Variants in TBC1D5 observed in about 807,000 individuals in gnomAD.
TBC1D5 encodes the protein TBC1 domain family, member 5.
TBC1D5 carries 75 observed loss-of-function variants against 100.3 expected under a neutral mutation model. The observed-to-expected ratio is 0.75, with a 90% CI of 0.62 to 0.91. TBC1D5 has a LOEUF of 0.91. Ranked by LOEUF, TBC1D5 falls within the 40% of genes least tolerant of loss-of-function variation. TBC1D5 has a pLI of 0.00. For missense variants in TBC1D5, 910 were observed against 942.4 expected, an observed-to-expected ratio of 0.97 and a Z score of 0.45; for synonymous variants, 323 against 325.6, an observed-to-expected ratio of 0.99 and a Z score of 0.09.
chr3:17,721,978 T>C (rs1287608595), intron 1 of TBC1D5, among the ~76,000 whole-genome samples: 1 of 152,086 alleles, frequency 6.6e-6, no homozygotes, highest in Non-Finnish European at 1.5e-5. Flanking sequence ...CAAGACACTG[T>C]CTCAAAAAAT....
chr3:17,452,745 G>C (rs1385258687), intron 3 of TBC1D5, among the ~76,000 whole-genome samples: 1 of 151,850 alleles, frequency 6.6e-6, no homozygotes, highest in African/African-American at 2.4e-5. Flanking sequence ...TTTCAGCAAT[G>C]GAAATATCTC....
At chr3:17,440,664 CAG>C (rs1168819947) in intron 3 of TBC1D5, among the ~76,000 whole-genome samples, 1 of 151,964 alleles carries the variant, frequency 6.6e-6, no homozygotes, top group Non-Finnish European at 1.5e-5. Flanking sequence ...TTTTTTGAGG[CAG>C]AGTCTCACTC....
At chr3:17,174,368 C>T (rs908171748) in intron 19 of TBC1D5, among the ~76,000 whole-genome samples, 31 of 152,268 alleles carry the variant, frequency 2.0e-4, no homozygotes, top group African/African-American at 7.5e-4. Context: ...TTTGAAACCC[C>T]ACTGCTCCTT....
intron 1 of TBC1D5, among the ~76,000 whole-genome samples, chr3:17,703,906 T>G (rs555285785): frequency 1.3e-5 from 2 of 149,848 alleles, no homozygotes; most frequent in African/African-American, 4.9e-5. Flanking sequence ...TATTTGTGTT[T>G]TTTTTTTGTT....
At chr3:17,485,439 T>A (rs1298079197) in intron 3 of TBC1D5, among the ~76,000 whole-genome samples, 1 of 151,386 alleles carries the variant, frequency 6.6e-6, no homozygotes, top group Non-Finnish European at 1.5e-5. Flanking sequence ...ACCCATTAAC[T>A]CGTCATTTAG....
intron 1 of TBC1D5, among the ~76,000 whole-genome samples, chr3:17,657,389 G>A (rs2066191429): frequency 6.8e-6 from 1 of 146,460 alleles, no homozygotes; most frequent in African/African-American, 2.5e-5. Flanking sequence ...AGGCTGGAGT[G>A]CAGTGGCGCA....
chr3:17,620,400 A>C (rs902470207), intron 2 of TBC1D5, among the ~76,000 whole-genome samples: 4 of 152,246 alleles, frequency 2.6e-5, no homozygotes, highest in African/African-American at 4.8e-5. Context: ...AGTGGAAACT[A>C]CTTAAATGCG....
At chr3:17,611,236 A>C (rs1017562673) in intron 2 of TBC1D5, among the ~76,000 whole-genome samples, 6 of 152,200 alleles carry the variant, frequency 3.9e-5, no homozygotes, top group Non-Finnish European at 7.3e-5. Flanking sequence ...TTGACATCTC[A>C]AAGTGAAAAT....
At chr3:17,704,693 G>A (rs1277948133) in intron 1 of TBC1D5, among the ~76,000 whole-genome samples, 1 of 58,448 alleles carries the variant, frequency 1.7e-5, no homozygotes, top group Non-Finnish European at 3.5e-5. Context: ...CTGGCCGGGC[G>A]GGGGGCCGAC....
chr3:17,383,391 T>C (rs2093027410), intron 9 of TBC1D5, among the ~76,000 whole-genome samples: 1 of 151,762 alleles, frequency 6.6e-6, no homozygotes, highest in South Asian at 2.1e-4. Flanking sequence ...TTCAATAAAA[T>C]AAAACAACCC....
chr3:17,308,794 T>C (rs1283476321), intron 13 of TBC1D5, among the ~76,000 whole-genome samples: 1 of 152,136 alleles, frequency 6.6e-6, no homozygotes, highest in Non-Finnish European at 1.5e-5. Context: ...ACTTCTATTA[T>C]CTAGAAAATG....
At chr3:17,504,032 T>G (rs2095814989) in intron 3 of TBC1D5, among the ~76,000 whole-genome samples, 1 of 149,138 alleles carries the variant, frequency 6.7e-6, no homozygotes, top group African/African-American at 2.6e-5. Context: ...GGAGAGTATA[T>G]TAACTTTTGA....
intron 2 of TBC1D5, among the ~76,000 whole-genome samples, chr3:17,576,857 A>G (rs1333831632): frequency 6.6e-6 from 1 of 152,048 alleles, no homozygotes. Context: ...CAAGGGGAAC[A>G]CTTAAAAAGA....
chr3:17,486,620 A>T lies in TBC1D5; in HGVS notation c.97+21854T>A, dbSNP rs1463539329. On this transcript the variant is annotated intron_variant, in intron 3 of 21. Coordinates refer to ENST00000253692, the Ensembl canonical transcript of TBC1D5. ...AAGCTGGCAAAAACTTTAAGAATCA[A>T]CTTTTGCAGATCTCTGAAATCTAGT... is the stretch of plus-strand genomic sequence containing the variant. 2.6e-5 allele frequency among the ~76,000 whole-genome samples: 4 copies of T among 152,322 alleles called. No homozygotes were observed. In the South Asian group the frequency reaches 6.2e-4, roughly 24 times the overall value.
At chr3:17,471,620 G>A (rs1476572896) in intron 3 of TBC1D5, among the ~76,000 whole-genome samples, 17 of 116,776 alleles carry the variant, frequency 1.5e-4, no homozygotes, top group Non-Finnish European at 1.1e-4. Context: ...GCAGTGAGCC[G>A]AGATTGCGCC....
chr3:17,431,008 T>A (rs969448179), intron 3 of TBC1D5, among the ~76,000 whole-genome samples: 5 of 151,908 alleles, frequency 3.3e-5, no homozygotes, highest in African/African-American at 1.2e-4. Context: ...TTCCGCCAGT[T>A]TGGGAAATAA....
chr3:17,709,545 T>G (rs76006107), intron 1 of TBC1D5, among the ~76,000 whole-genome samples: 1 of 152,134 alleles, frequency 6.6e-6, no homozygotes, highest in Non-Finnish European at 1.5e-5. Context: ...AAACTCTCAC[T>G]TGGATAAGCA....
intron 17 of TBC1D5, among the ~76,000 whole-genome samples, chr3:17,223,747 G>C (rs2074535623): frequency 2.0e-5 from 3 of 151,984 alleles, no homozygotes; most frequent in African/African-American, 7.3e-5. Flanking sequence ...TGTAGTCCCA[G>C]CTACTCGAGC....
At chr3:17,579,530 G>GT (rs2096679530) in intron 2 of TBC1D5, among the ~76,000 whole-genome samples, 1 of 152,028 alleles carries the variant, frequency 6.6e-6, no homozygotes. Context: ...GTAAAAATGA[G>GT]TAAGAGGAAG....
Sources: allele counts gnomAD v4.1 joint callset (sites outside exome capture counted in the v4.1 genomes callset), GRCh38; gene constraint gnomAD v4.1.1; transcripts MANE v1.5; gene names NCBI Gene and HGNC (gene_info 2026-07-23, HGNC 2026-07-21).